ASPSCR1: variants seen among roughly 807,000 people sequenced by gnomAD.
The protein encoded by ASPSCR1 is tether containing UBX domain for GLUT4.
In ASPSCR1, 55 loss-of-function variants were observed where a neutral mutation model predicts 68.9. That is an observed-to-expected ratio of 0.80 (90% CI 0.64 to 1.00). The LOEUF is 1.00. Ranked by LOEUF, ASPSCR1 falls within the 50% of genes least tolerant of loss-of-function variation. ASPSCR1 has a pLI of 0.00. For missense variants in ASPSCR1, 765 were observed against 762.2 expected (o/e 1.00, Z -0.04); for synonymous variants, 352 against 332.6 (o/e 1.06, Z -0.63).
At chr17:82,017,158 G>A in intron 15 of ASPSCR1, 45 bp downstream of exon 15, 2 of 1,565,692 alleles carry the variant, frequency 1.3e-6, no homozygotes, top group East Asian at 2.3e-5. Context: ...CCGGGTGGAG[G>A]GCGGGGGTCC....
At chr17:82,015,051 G>A (rs769145214) in intron 12 of ASPSCR1, 5 of 1,586,516 alleles carry the variant, frequency 3.2e-6, no homozygotes, top group South Asian at 1.1e-5. Flanking sequence ...TGGGGGGACG[G>A]TGTGACCCAC....
At position 81,990,578 on chromosome 17, in the gene ASPSCR1, G is replaced by C. The variant is rs568417933; in HGVS notation, c.375-4243G>C. The stretch of plus-strand genomic sequence containing the variant: ...GTCTGAGTTTGGGATCTTCCACGCC[G>C]AGCTCTGGGGGACACTGCTCTCTGC... On this transcript the variant is annotated intron_variant, in intron 4 of 15. Transcript: ENST00000306739. The surrounding 1 kb of genome is among the most constrained non-coding windows in gnomAD (Gnocchi z 4.1). Among the ~76,000 whole-genome samples the C allele has an allele frequency of 9.2e-5, 14 of 152,152 alleles. No homozygotes were observed. The highest frequency in any genetic ancestry group is 1.9e-4 in the African/African-American group (8 of 41,514).
intron 5 of ASPSCR1, chr17:81,995,583 C>G: frequency 5.3e-6 from 2 of 377,738 alleles, no homozygotes; most frequent in South Asian, 2.5e-5. Context: ...GCCAGCCAGG[C>G]CCGATCCCTG....
Position 81,979,240 on chromosome 17 carries a change from G to C in ASPSCR1, c.158+1G>C. ...TCAACCCCTGTGAATATGATCTGAA[G>C]TGAGTTTGCTCCAGCTCAGCAGCAG... On this transcript the variant is annotated splice_donor_variant, in intron 2 of 15. Coordinates refer to ENST00000306739, the MANE Select transcript of ASPSCR1 (RefSeq NM_024083.4). LOFTEE classifies it high-confidence loss of function. 1.2e-6 allele frequency: 2 copies of C among 1,613,976 alleles called. No individual in the cohort carries two copies. Among genetic ancestry groups the C allele is most frequent in the Non-Finnish European group, 1.7e-6 (2 of 1,179,898 alleles).
chr17:82,012,428 G>A (rs2042982288), intron 12 of ASPSCR1, 145 bp downstream of exon 12: 4 of 943,326 alleles, frequency 4.2e-6, no homozygotes, highest in Admixed American at 2.5e-5. Context: ...GGGTTCCGAG[G>A]GGGCCGTGCG....
chr17:81,992,593 G>A (rs1465267431), intron 4 of ASPSCR1, among the ~76,000 whole-genome samples: 1 of 152,210 alleles, frequency 6.6e-6, no homozygotes, highest in Non-Finnish European at 1.5e-5. Context: ...GGCCATCTGT[G>A]TCATGCTGGG....
intron 7 of ASPSCR1, chr17:82,007,150 C>T (rs2042746879): frequency 6.6e-6 from 1 of 152,314 alleles, no homozygotes; most frequent in Admixed American, 6.5e-5. Flanking sequence ...CCAGCCTGAC[C>T]CCAGGCTCCA....
intron 3 of ASPSCR1, among the ~76,000 whole-genome samples, chr17:81,984,769 G>A (rs951384056): frequency 4.6e-5 from 7 of 151,166 alleles, no homozygotes; most frequent in Admixed American, 1.3e-4. Flanking sequence ...GCGCCTGCAT[G>A]TACCCACACA....
chr17:81,985,616 C>T lies in ASPSCR1; in HGVS notation c.374+9C>T. 6 of 1,612,054 alleles carry T rather than the reference C, an allele frequency of 3.7e-6. No homozygotes were observed. The highest frequency in any genetic ancestry group is 5.1e-6 in the Non-Finnish European group (6 of 1,178,392). ...CATTTTCCACAGATCAGGTGAGCATCAGTGGGCTGGGGGCTCTTCCCTACC... is the reference window on the plus strand; with the variant it reads ...CATTTTCCACAGATCAGGTGAGCATTAGTGGGCTGGGGGCTCTTCCCTACC... On this transcript the variant is annotated intron_variant, in intron 4 of 15. Transcript: ENST00000306739.
chr17:82,004,184 A>T (rs1169871081), intron 7 of ASPSCR1, among the ~76,000 whole-genome samples: 1 of 152,076 alleles, frequency 6.6e-6, no homozygotes, highest in African/African-American at 2.4e-5. Flanking sequence ...TGCAGCCCCC[A>T]GCCTCCCTCC....
At chr17:81,991,589 T>TTGTCCATTCC (rs1328246475) in intron 4 of ASPSCR1, among the ~76,000 whole-genome samples, 1 of 152,106 alleles carries the variant, frequency 6.6e-6, no homozygotes, top group Admixed American at 6.5e-5. Flanking sequence ...CTGTCCGTCC[T>TTGTCCATTCC]TGTCCATTCC....
At position 82,016,482 on chromosome 17, in the gene ASPSCR1, C is replaced by T; in HGVS notation, c.1360C>T (p.Leu454Phe). The T allele has an allele frequency of 4.5e-6, 7 of 1,548,610 alleles. No individual in the cohort carries two copies. Among genetic ancestry groups the T allele is most frequent in the Non-Finnish European group, 6.1e-6 (7 of 1,147,084 alleles). ...DHTQTLFQAN[L>F]FPAALVHLGA... ...CCCCCCGCCCTCCCTGCAGGCGAAC[C>T]TCTTCCCGGCCGCTCTGGTGCACTT... The change falls in exon 13 of 16, where the codon CTC becomes TTC. Residue 454 changes from leucine to phenylalanine, a missense_variant. By Grantham distance (22) the Leu-to-Phe change is conservative. Transcript: ENST00000306739.
rs2041853598 is a variant in ASPSCR1 at position 81,983,263 on chromosome 17, A to C, written c.159-291A>C. Among the ~76,000 whole-genome samples, 1 of 152,118 alleles carries C rather than the reference A, an allele frequency of 6.6e-6. No individual in the cohort carries two copies. Among genetic ancestry groups the C allele is most frequent in the South Asian group, 2.1e-4 (1 of 4,832 alleles). ...CTCTCTGTGTTTTCCGAGCGTCTGC[A>C]CTGGGGCTGTCAGCACCCCAGACTC... On this transcript the variant is annotated intron_variant, in intron 2 of 15. Coordinates refer to ENST00000306739, the MANE Select transcript of ASPSCR1 (RefSeq NM_024083.4). This position sits in a 1 kb window ranked among gnomAD's most constrained non-coding sequence, Gnocchi z 4.4.
intron 7 of ASPSCR1, among the ~76,000 whole-genome samples, chr17:81,998,104 G>A (rs1297913203): frequency 6.6e-6 from 1 of 152,074 alleles, no homozygotes; most frequent in Non-Finnish European, 1.5e-5. Flanking sequence ...TGGGATTACA[G>A]GCTTGAGCCA....
At chr17:81,996,924 A>C in intron 7 of ASPSCR1, 78 bp downstream of exon 7, 3 of 1,512,256 alleles carry the variant, frequency 2.0e-6, no homozygotes, top group Non-Finnish European at 2.6e-6. Flanking sequence ...TTAGCTGGTC[A>C]GCCTGGTGGC....
rs201134448 is a variant in ASPSCR1 at position 82,017,067 on chromosome 17, C to T, written c.1602C>T (p.Pro534=). 85 of 1,609,002 alleles carry T rather than the reference C, an allele frequency of 5.3e-5. No homozygotes were observed. The highest frequency in any genetic ancestry group is 1.7e-4 in the Middle Eastern group (1 of 5,932). Residue 534 remains proline (P), a synonymous_variant, in exon 15 of 16, where the codon CCC becomes CCT. Coordinates refer to ENST00000306739, the MANE Select transcript of ASPSCR1 (RefSeq NM_024083.4). ...AGCCCATCCCAGGGACGGCCCAGCC[C>T]GTGAAGAGGAGCCTGGGCAAGGTGC... ...PPEPIPGTAQ[P]VKRSLGKVPK...
At chr17:81,980,552 G>C (rs1304857015) in intron 2 of ASPSCR1, among the ~76,000 whole-genome samples, 2 of 152,322 alleles carry the variant, frequency 1.3e-5, no homozygotes, top group Admixed American at 1.3e-4. Flanking sequence ...TGAAGAATGC[G>C]GTTCATATGT....
At chr17:81,996,267 G>A (rs767231230) in intron 6 of ASPSCR1, among the ~76,000 whole-genome samples, 153 bp from the exon 7 acceptor site, 6 of 152,080 alleles carry the variant, frequency 3.9e-5, no homozygotes, top group African/African-American at 7.2e-5. Flanking sequence ...CCAGAGGGGC[G>A]GTGGATCTTG....
chr17:82,016,566 C>G, intron 13 of ASPSCR1, 39 bp downstream of exon 13: 2 of 1,548,854 alleles, frequency 1.3e-6, no homozygotes, highest in Middle Eastern at 1.9e-4. Context: ...GGAGTCCAGC[C>G]AGCCTGTCCC....
Sources: gnomAD v4.1 joint callset for allele counts (sites outside exome capture counted in the v4.1 genomes callset) on GRCh38, gnomAD v4.1.1 for gene constraint, Gnocchi (gnomAD v3.1) non-coding constraint, MANE v1.5 for transcripts, NCBI Gene and HGNC (gene_info 2026-07-23, HGNC 2026-07-21) for gene names.